MIR2052HG: variants seen among roughly 807,000 people sequenced by gnomAD.
MIR2052HG encodes the protein MIR2052 host gene.
At chr8:74,719,842 C>CTTT (rs1809556619) in intron 4 of MIR2052HG, among the ~76,000 whole-genome samples, 17 of 92,812 alleles carry the variant, frequency 1.8e-4, no homozygotes, top group East Asian at 1.1e-3. Context: ...TTTTTTTTTT[C>CTTT]TTTTTTCTTT....
intron 2 of MIR2052HG, among the ~76,000 whole-genome samples, chr8:74,689,097 C>A (rs1809213202): frequency 6.6e-6 from 1 of 152,004 alleles, no homozygotes; most frequent in Non-Finnish European, 1.5e-5. Context: ...TTGTTTTGTT[C>A]TTTCTGTGCT....
chr8:74,603,959 G>T lies in MIR2052HG; in HGVS notation n.128+4051G>T, dbSNP rs538999550. The stretch of plus-strand genomic sequence containing the variant: ...ACCACCAGCCTCAGGGTGACTGGGG[G>T]TCTAGTGGCAGCTGTGCTACTGGTC... On this transcript the variant is annotated intron_variant and non_coding_transcript_variant, in intron 1 of 6. Coordinates refer to ENST00000523442, the Ensembl canonical transcript of MIR2052HG. 2.0e-5 allele frequency: 20 copies of T among 981,310 alleles called. No homozygotes were observed. In the African/African-American group the frequency reaches 2.7e-4, roughly 13 times the overall value. 60.8% of individuals were successfully genotyped at this position (981,310 alleles called of 1,614,324 possible).
chr8:74,716,318 G>A (rs562430112), intron 4 of MIR2052HG, among the ~76,000 whole-genome samples: 1 of 152,164 alleles, frequency 6.6e-6, no homozygotes, highest in African/African-American at 2.4e-5. Flanking sequence ...GCTACAATTG[G>A]TTAACATCAT....
At chr8:74,679,985 A>T (rs769638953) in intron 2 of MIR2052HG, among the ~76,000 whole-genome samples, 2 of 152,214 alleles carry the variant, frequency 1.3e-5, no homozygotes, top group Non-Finnish European at 2.9e-5. Flanking sequence ...CGTAAAATAT[A>T]TGGATACTGG....
intron 2 of MIR2052HG, among the ~76,000 whole-genome samples, chr8:74,669,889 C>T (rs1808972056): frequency 6.6e-6 from 1 of 152,098 alleles, no homozygotes; most frequent in African/African-American, 2.4e-5. Flanking sequence ...AAATTATGTC[C>T]CCACAAAATT....
chr8:74,745,814 AT>A (rs1348640108), intron 4 of MIR2052HG, among the ~76,000 whole-genome samples: 3 of 152,198 alleles, frequency 2.0e-5, no homozygotes, highest in Admixed American at 6.6e-5. Flanking sequence ...ATAGATAAAA[AT>A]AGAATTCACA....
chr8:74,755,410 G>T (rs777358375), intron 5 of MIR2052HG, among the ~76,000 whole-genome samples: 1 of 152,198 alleles, frequency 6.6e-6, no homozygotes, highest in Non-Finnish European at 1.5e-5. Context: ...AGATTTATTT[G>T]TTGCTGACCA....
chr8:74,676,063 G>T (rs1051822794), intron 2 of MIR2052HG, among the ~76,000 whole-genome samples: 1 of 151,988 alleles, frequency 6.6e-6, no homozygotes, highest in African/African-American at 2.4e-5. Flanking sequence ...ATGGAATAAT[G>T]TCTTCAATAT....
chr8:74,728,986 C>T (rs1262979116), intron 4 of MIR2052HG, among the ~76,000 whole-genome samples: 1 of 152,082 alleles, frequency 6.6e-6, no homozygotes, highest in Non-Finnish European at 1.5e-5. Context: ...TCATTAGGAG[C>T]AGATGTAATT....
At chr8:74,676,989 CACTT>C (rs1181168476) in intron 2 of MIR2052HG, among the ~76,000 whole-genome samples, 1 of 151,918 alleles carries the variant, frequency 6.6e-6, no homozygotes, top group Non-Finnish European at 1.5e-5. Context: ...ATAAGAGAAA[CACTT>C]AAAAGATAAC....
chr8:74,711,302 A>T (rs1809465703), intron 4 of MIR2052HG, among the ~76,000 whole-genome samples: 1 of 152,158 alleles, frequency 6.6e-6, no homozygotes, highest in Non-Finnish European at 1.5e-5. Flanking sequence ...TTCCCACTGT[A>T]CTGTATGCTC....
chr8:74,624,726 G>T (rs1808411570), intron 2 of MIR2052HG, among the ~76,000 whole-genome samples: 1 of 152,138 alleles, frequency 6.6e-6, no homozygotes, highest in Non-Finnish European at 1.5e-5. Flanking sequence ...CCTGGCACTT[G>T]TGCATTTATT....
intron 2 of MIR2052HG, among the ~76,000 whole-genome samples, chr8:74,635,554 G>A (rs1022335562): frequency 3.3e-5 from 5 of 152,134 alleles, no homozygotes; most frequent in Admixed American, 6.6e-5. Flanking sequence ...GGCTAGAGTC[G>A]AGGGAAATAA....
At chr8:74,709,980 G>A (rs1408313939) in intron 4 of MIR2052HG, among the ~76,000 whole-genome samples, 2 of 152,164 alleles carry the variant, frequency 1.3e-5, no homozygotes, top group Admixed American at 6.5e-5. Context: ...TAGTTTAACA[G>A]TTATCAGAAA....
chr8:74,641,782 A>G (rs1808641459), intron 2 of MIR2052HG, among the ~76,000 whole-genome samples: 1 of 152,202 alleles, frequency 6.6e-6, no homozygotes, highest in Non-Finnish European at 1.5e-5. Flanking sequence ...AAAATAAGAT[A>G]CTTGTAGGTT....
intron 2 of MIR2052HG, among the ~76,000 whole-genome samples, chr8:74,679,692 T>C (rs905362805): frequency 6.6e-6 from 1 of 151,662 alleles, no homozygotes; most frequent in African/African-American, 2.4e-5. Context: ...CCGGCTAAAT[T>C]TTTTGTTTTG....
At chr8:74,613,055 T>C (rs977884983) in intron 2 of MIR2052HG, 1 of 373,988 alleles carries the variant, frequency 2.7e-6, no homozygotes, top group Non-Finnish European at 5.4e-6. Context: ...AGGGAGAGCG[T>C]TGCTGATGAG....
intron 1 of MIR2052HG, among the ~76,000 whole-genome samples, chr8:74,601,585 T>C (rs2128729919): frequency 6.6e-6 from 1 of 152,362 alleles, no homozygotes; most frequent in South Asian, 2.1e-4. Flanking sequence ...TATTGAATTA[T>C]ATTGATTAAT....
At chr8:74,658,859 G>A (rs1048919438) in intron 2 of MIR2052HG, among the ~76,000 whole-genome samples, 1 of 152,078 alleles carries the variant, frequency 6.6e-6, no homozygotes, top group Admixed American at 6.5e-5. Context: ...GCACCAAGAA[G>A]GCCACTGGAC....
Sources: gnomAD v4.1 joint callset for allele counts (sites outside exome capture counted in the v4.1 genomes callset) on GRCh38, gnomAD v4.1.1 for gene constraint, MANE v1.5 for transcripts, NCBI Gene and HGNC (gene_info 2026-07-23, HGNC 2026-07-21) for gene names.